The following GNB1 variants were observed in gnomAD, a reference collection of about 807,000 sequenced individuals.
GNB1 encodes guanine nucleotide-binding protein G(I)/G(S)/G(T) subunit beta-1.
A neutral mutation model predicts 42.9 loss-of-function variants in GNB1; 2 were observed. The ratio of observed to expected loss-of-function variants is 0.05; its 90% CI spans 0.02 to 0.15. The LOEUF is 0.15. Ranked by LOEUF, GNB1 falls within the 10% of genes least tolerant of loss-of-function variation. GNB1 has a pLI of 1.00. For synonymous variants in GNB1, 183 were observed against 174.7 expected, an observed-to-expected ratio of 1.05 and a Z score of -0.38; for missense variants, 193 against 462.2, an observed-to-expected ratio of 0.42 and a Z score of 5.34.
chr1:1,834,212 C>G (rs1407288840), intron 2 of GNB1, among the ~76,000 whole-genome samples: 1 of 152,080 alleles, frequency 6.6e-6, no homozygotes, highest in Non-Finnish European at 1.5e-5. Flanking sequence ...GAAGGCAATT[C>G]TCCAGGGAGG....
chr1:1,792,874 T>A (rs1646500415), intron 8 of GNB1, among the ~76,000 whole-genome samples: 1 of 152,026 alleles, frequency 6.6e-6, no homozygotes, highest in South Asian at 2.1e-4. Flanking sequence ...AGGACCAGCC[T>A]GGCCAATGTG....
chr1:1,876,575 G>A (rs1557948100), intron 1 of GNB1, among the ~76,000 whole-genome samples: 1 of 151,908 alleles, frequency 6.6e-6, no homozygotes, highest in South Asian at 2.1e-4. Flanking sequence ...GCAAAAATGG[G>A]GTCTCACTAT....
intron 5 of GNB1, among the ~76,000 whole-genome samples, chr1:1,811,081 ATTTTT>A (rs70937196): frequency 2.7e-5 from 2 of 73,146 alleles, no homozygotes; most frequent in African/African-American, 7.3e-5. Flanking sequence ...ATATATATAT[ATTTTT>A]TTTTTTTTTC....
chr1:1,867,381 A>G (rs913305364), intron 1 of GNB1, among the ~76,000 whole-genome samples: 3 of 152,226 alleles, frequency 2.0e-5, no homozygotes, highest in Non-Finnish European at 4.4e-5. Flanking sequence ...GAGACCTACT[A>G]TGTACCAGGC....
intron 1 of GNB1, among the ~76,000 whole-genome samples, chr1:1,866,232 G>A (rs556142705): frequency 7.9e-4 from 121 of 152,320 alleles, no homozygotes; most frequent in Admixed American, 3.7e-3. Context: ...GCGCCACTGC[G>A]CCCAGCCAGA....
At chr1:1,883,278 C>CAAAAAAAAAAAAAAAAGAAAA (rs1649956122) in intron 1 of GNB1, among the ~76,000 whole-genome samples, 1 of 75,398 alleles carries the variant, frequency 1.3e-5, no homozygotes, top group Non-Finnish European at 2.6e-5. Flanking sequence ...AACCCTGTCC[C>CAAAAAAAAAAAAAAAAGAAAA]AAAAAAAAAA....
intron 7 of GNB1, among the ~76,000 whole-genome samples, chr1:1,801,640 G>C (rs1646628099): frequency 6.6e-6 from 1 of 152,090 alleles, no homozygotes; most frequent in African/African-American, 2.4e-5. Flanking sequence ...AAGTAAAATA[G>C]ATTTCTTTAA....
At chr1:1,837,247 T>C (rs889985138) in intron 2 of GNB1, among the ~76,000 whole-genome samples, 44 of 151,460 alleles carry the variant, frequency 2.9e-4, no homozygotes, top group Non-Finnish European at 5.4e-4. Flanking sequence ...ATATGATCCA[T>C]TGAGTTAATT....
At chr1:1,835,930 A>AAAG (rs1244101790) in intron 2 of GNB1, among the ~76,000 whole-genome samples, 2 of 148,918 alleles carry the variant, frequency 1.3e-5, no homozygotes, top group Non-Finnish European at 3.0e-5. Flanking sequence ...AAGAAAAAAA[A>AAAG]AAAAAAAAAA....
chr1:1,845,824 T>TACACACACACACACACAC (rs55953457), intron 1 of GNB1, among the ~76,000 whole-genome samples: 1 of 140,280 alleles, frequency 7.1e-6, no homozygotes, highest in Non-Finnish European at 1.5e-5. Context: ...TGTAAGTCCA[T>TACACACACACACACACAC]ACACACACAC....
At chr1:1,811,302 G>A (rs1646775534) in intron 5 of GNB1, among the ~76,000 whole-genome samples, 1 of 151,828 alleles carries the variant, frequency 6.6e-6, no homozygotes, top group Non-Finnish European at 1.5e-5. Context: ...CAGCCAGGCT[G>A]GTCTCGAACT....
chr1:1,848,595 TTC>T (rs1215037079), intron 1 of GNB1, among the ~76,000 whole-genome samples: 2 of 152,138 alleles, frequency 1.3e-5, no homozygotes, highest in African/African-American at 4.8e-5. Flanking sequence ...AAATACATTT[TTC>T]TCTCCCTTAT....
chr1:1,852,268 G>A (rs1371408379), intron 1 of GNB1, among the ~76,000 whole-genome samples: 1 of 151,800 alleles, frequency 6.6e-6, no homozygotes, highest in African/African-American at 2.4e-5. Context: ...TTGCTCTGTC[G>A]CCCAGGCTGG....
chr1:1,844,816 G>GT (rs1246596975), intron 1 of GNB1, among the ~76,000 whole-genome samples: 2 of 152,158 alleles, frequency 1.3e-5, no homozygotes, highest in Admixed American at 6.6e-5. Context: ...AAGCCTTGCC[G>GT]TAAGTGTGGT....
chr1:1,812,972 G>A (rs1646803175), intron 5 of GNB1, among the ~76,000 whole-genome samples: 1 of 152,054 alleles, frequency 6.6e-6, no homozygotes, highest in African/African-American at 2.4e-5. Context: ...TTACTTGGCA[G>A]TGCAGTGCTC....
intron 1 of GNB1, among the ~76,000 whole-genome samples, chr1:1,846,099 G>A (rs1236100585): frequency 1.3e-5 from 2 of 151,936 alleles, no homozygotes; most frequent in South Asian, 2.1e-4. Flanking sequence ...CTTGAAGGAA[G>A]TCTGCTGGCC....
chr1:1,831,069 G>A (rs1028562509), intron 2 of GNB1, among the ~76,000 whole-genome samples: 14 of 152,186 alleles, frequency 9.2e-5, no homozygotes, highest in Non-Finnish European at 1.9e-4. Flanking sequence ...GGAGGCTTAG[G>A]TGGGAGAACG....
At chr1:1,828,212 T>G (rs935539951) in intron 2 of GNB1, among the ~76,000 whole-genome samples, 3 of 152,046 alleles carry the variant, frequency 2.0e-5, no homozygotes, top group Non-Finnish European at 4.4e-5. Flanking sequence ...TCCCAGCTAC[T>G]CGGGAGGCTG....
intron 1 of GNB1, among the ~76,000 whole-genome samples, chr1:1,876,831 G>C (rs1199655788): frequency 6.6e-6 from 1 of 152,150 alleles, no homozygotes. Context: ...AACTAAGGTA[G>C]AGACGTTCAG....
Sources: gnomAD v4.1 joint callset for allele counts (sites outside exome capture counted in the v4.1 genomes callset) on GRCh38, gnomAD v4.1.1 for gene constraint, MANE v1.5 for transcripts, NCBI Gene and HGNC (gene_info 2026-07-23, HGNC 2026-07-21) for gene names.